The following NAV1 variants were observed in gnomAD, a reference collection of about 807,000 sequenced individuals.
The protein encoded by NAV1 is neuron navigator 1.
A neutral mutation model predicts 175.2 loss-of-function variants in NAV1; 18 were observed. The ratio of observed to expected loss-of-function variants is 0.10; its 90% CI spans 0.07 to 0.15. The LOEUF (loss-of-function observed/expected upper bound fraction) is 0.15, where lower values mean the gene tolerates loss of function less well. NAV1 is among the 10% of genes least tolerant of loss of function. NAV1 has a pLI of 1.00. For missense variants in NAV1, 1,731 were observed against 2,436.6 expected (o/e 0.71, Z 6.10); for synonymous variants, 897 against 978.7 (o/e 0.92, Z 1.56).
At chr1:201,619,219 G>T (rs531038381), upstream of NAV1, among the ~76,000 whole-genome samples, 1 of 152,256 alleles carries the variant, frequency 6.6e-6, no homozygotes, top group East Asian at 1.9e-4. Flanking sequence ...ATTAGCAAGC[G>T]AGGGAGACGC....
chr1:201,707,866 C>T (rs1671734300), intron 1 of NAV1, among the ~76,000 whole-genome samples: 1 of 152,170 alleles, frequency 6.6e-6, no homozygotes, highest in African/African-American at 2.4e-5. Flanking sequence ...GGCTAGACCA[C>T]AAGTAGGTGT....
chr1:201,565,702 C>T (rs895358539), intron 1 of NAV1, among the ~76,000 whole-genome samples: 1 of 152,182 alleles, frequency 6.6e-6, no homozygotes, highest in African/African-American at 2.4e-5. Context: ...TTAGCAGAGC[C>T]CCTGAGACTT....
rs140448224 is a variant in NAV1 at position 201,707,045 on chromosome 1, G to T, written c.758-5772G>T. On this transcript the variant is annotated intron_variant, in intron 1 of 29. Coordinates refer to ENST00000367296, the Ensembl canonical transcript of NAV1. ...AGCTAAGATTGGCCCCAAGAGAACG[G>T]GATTGAAGATATTGTATTGCCTCAC... 9.8e-4 allele frequency among the ~76,000 whole-genome samples: 149 copies of T among 152,288 alleles called. 1 individual carries two copies. The East Asian group carries it at 0.026, about 26-fold the overall frequency.
chr1:201,607,870 TTGTGTGTG>T lies in NAV1; in HGVS notation c.-32-14945_-32-14938del, dbSNP rs57110688. On this transcript the variant is annotated intron_variant, in intron 2 of 33. Coordinates refer to the NAV1 transcript ENST00000685211. ...AATATATAGTATAATGATAACTTTA[TTGTGTGTG>T]TGTGTGTGTGTGTGTGTGTGTGTGT... Among the ~76,000 whole-genome samples the T allele has an allele frequency of 4.8e-3, 661 of 138,268 alleles. 8 individuals carry two copies. The highest frequency in any genetic ancestry group is 0.016 in the African/African-American group (602 of 36,644). 90.7% of individuals were successfully genotyped at this position (138,268 alleles called of 152,430 possible).
chr1:201,589,143 C>A (rs1051973482), intron 2 of NAV1, among the ~76,000 whole-genome samples: 1 of 152,202 alleles, frequency 6.6e-6, no homozygotes, highest in African/African-American at 2.4e-5. Context: ...CCACTGCACC[C>A]GGCCCAAAAG....
intron 3 of NAV1, among the ~76,000 whole-genome samples, chr1:201,757,176 T>C (rs749924390): frequency 6.6e-6 from 1 of 152,202 alleles, no homozygotes; most frequent in Non-Finnish European, 1.5e-5. Flanking sequence ...GTACATGCCA[T>C]TGAACATCTG....
chr1:201,605,509 G>A (rs534621592), intron 2 of NAV1, among the ~76,000 whole-genome samples: 12 of 152,216 alleles, frequency 7.9e-5, no homozygotes, highest in Non-Finnish European at 1.0e-4. Context: ...AACAAGTCAC[G>A]AGACTGACAG....
intron 13 of NAV1, chr1:201,791,004 C>A: frequency 4.0e-6 from 2 of 504,566 alleles, no homozygotes; most frequent in South Asian, 2.5e-5. Flanking sequence ...TGGATGAGTT[C>A]ATGTCTGATG....
chr1:201,627,354 C>T (rs113606357), intron 1 of NAV1, among the ~76,000 whole-genome samples: 63 of 152,128 alleles, frequency 4.1e-4, no homozygotes, highest in African/African-American at 1.5e-3. Context: ...CTCACTGCAA[C>T]ATCCACCTCC....
At position 201,782,964 on chromosome 1, in the gene NAV1, C is replaced by T. The variant is rs1159961371; in HGVS notation, c.2357+95C>T. The T allele has an allele frequency of 9.2e-7, 1 of 1,085,718 alleles. No homozygotes were observed. The highest frequency in any genetic ancestry group is 2.6e-5 in the East Asian group (1 of 39,152). 67.3% of individuals were successfully genotyped at this position (1,085,718 alleles called of 1,614,324 possible). A position where few individuals can be genotyped will look rare whatever the true frequency, so the allele number is the denominator to read the frequency against. On this transcript the variant is annotated intron_variant, in intron 6 of 29. Coordinates refer to ENST00000367296, the Ensembl canonical transcript of NAV1. The surrounding 1 kb of genome is among the most constrained non-coding windows in gnomAD (Gnocchi z 5.4). Reference sequence around the variant, plus strand: ...TGGACTAGATGAGGCATGGCCTATCCACCGTTGTCTCTAGGCCTTTGCATG... The same window carrying T: ...TGGACTAGATGAGGCATGGCCTATCTACCGTTGTCTCTAGGCCTTTGCATG...
intron 3 of NAV1, chr1:201,739,219 TA>T (rs1258280417): frequency 6.6e-6 from 1 of 152,210 alleles, no homozygotes; most frequent in Non-Finnish European, 1.5e-5. Context: ...ACACCTCACC[TA>T]ATCTGTGGTC....
intron 1 of NAV1, among the ~76,000 whole-genome samples, chr1:201,575,595 A>G (rs1666671391): frequency 6.6e-6 from 1 of 152,168 alleles, no homozygotes; most frequent in African/African-American, 2.4e-5. Flanking sequence ...GTTGGAGGAA[A>G]TGTTCAGGGG....
chr1:201,755,924 G>T (rs754785284), intron 3 of NAV1, among the ~76,000 whole-genome samples: 13 of 152,040 alleles, frequency 8.6e-5, no homozygotes, highest in Non-Finnish European at 1.5e-4. Context: ...GGCCAACATG[G>T]TGAAACCCCA....
intron 3 of NAV1, among the ~76,000 whole-genome samples, chr1:201,774,134 C>T (rs1258799486): frequency 6.6e-6 from 1 of 151,686 alleles, no homozygotes; most frequent in Non-Finnish European, 1.5e-5. Flanking sequence ...GCCCAGCTCT[C>T]TTTTCTGTAC....
chr1:201,646,600 T>C (rs1163304285), upstream of NAV1, among the ~76,000 whole-genome samples: 4 of 152,138 alleles, frequency 2.6e-5, no homozygotes, highest in African/African-American at 4.8e-5. Context: ...CAAACACTTC[T>C]CTGCTTGAGA....
chr1:201,570,783 C>T (rs1268791362), intron 1 of NAV1, among the ~76,000 whole-genome samples: 1 of 152,202 alleles, frequency 6.6e-6, no homozygotes, highest in Non-Finnish European at 1.5e-5. Flanking sequence ...ATGGAGGAGG[C>T]CTGTTCCCAG....
chr1:201,648,989 T>C (rs772546751), exon 1 of NAV1: 3 of 1,613,406 alleles, frequency 1.9e-6, no homozygotes, highest in Non-Finnish European at 2.5e-6. Flanking sequence ...TGCAGCTTTA[T>C]GAGCCCGAAT....
chr1:201,746,993 CAA>C lies in NAV1; in HGVS notation c.1226+28252_1226+28253del, dbSNP rs35001839. ...CACTCCAGCCTGTGTGACCCTGTCT[CAA>C]AAAAAAAAAAAAATGAAGAAATTTG... On this transcript the variant is annotated intron_variant, in intron 3 of 29. Coordinates refer to ENST00000367296, the Ensembl canonical transcript of NAV1. 9.9e-4 allele frequency among the ~76,000 whole-genome samples: 132 copies of C among 132,774 alleles called. 1 individual carries two copies. Among genetic ancestry groups the C allele is most frequent in the Admixed American group, 1.4e-3 (19 of 13,162 alleles). 87.1% of individuals were successfully genotyped at this position (132,774 alleles called of 152,430 possible).
chr1:201,777,640 G>A (rs682112), intron 3 of NAV1, among the ~76,000 whole-genome samples: 45,628 of 148,836 alleles, frequency 0.31, 8,237 homozygotes, highest in Admixed American at 0.42. Flanking sequence ...GGTTTTTGTT[G>A]TTGTTGTTGT....
Sources: allele counts gnomAD v4.1 joint callset (sites outside exome capture counted in the v4.1 genomes callset), GRCh38; gene constraint gnomAD v4.1.1; non-coding constraint Gnocchi (gnomAD v3.1); transcripts MANE v1.5; gene names NCBI Gene and HGNC (gene_info 2026-07-23, HGNC 2026-07-21).